Variants in CHSY3 observed in about 807,000 individuals in gnomAD.
The protein encoded by CHSY3 is N-acetylgalactosaminyl-proteoglycan 3-beta-glucuronosyltransferase 3.
Under a neutral mutation model 67.2 loss-of-function variants are expected in CHSY3, and 35 were observed. The observed-to-expected ratio is 0.52, with a 90% CI of 0.40 to 0.69. The LOEUF is 0.69. Among genes scored for constraint, CHSY3 ranks in the 30% least tolerant of loss-of-function variants. The pLI is 0.00. For synonymous variants in CHSY3, 474 were observed against 434.7 expected, an observed-to-expected ratio of 1.09 and a Z score of -1.12; for missense variants, 1,069 against 1,138.5, an observed-to-expected ratio of 0.94 and a Z score of 0.88.
intron 2 of CHSY3, among the ~76,000 whole-genome samples, chr5:129,936,048 ATATT>A (rs1189886561): frequency 6.6e-6 from 1 of 152,220 alleles, no homozygotes; most frequent in Non-Finnish European, 1.5e-5. Flanking sequence ...ATGGTAATCT[ATATT>A]TATAGTGTTT....
At chr5:130,184,077 A>T in intron 2 of CHSY3, 152 bp from the exon 3 acceptor site, 1 of 557,274 alleles carries the variant, frequency 1.8e-6, no homozygotes, top group Non-Finnish European at 2.7e-6. Context: ...TTTTAATTTT[A>T]AATAATATAA....
At position 130,186,016 on chromosome 5, in the gene CHSY3, T is replaced by G. The variant is rs1222773361; in HGVS notation, c.*225T>G. On this transcript the variant is annotated 3_prime_UTR_variant, in exon 3 of 3. Transcript: ENST00000305031. ...TTTCAGATTTCTACTGAAGTCAATA[T>G]GTTATTACTTTTATATAACTTTATT... The G allele has an allele frequency of 3.6e-6, 1 of 276,114 alleles. No homozygotes were observed. The highest frequency in any genetic ancestry group is 2.2e-5 in the African/African-American group (1 of 45,666). The allele number at this position is 276,114 out of a possible 1,614,324, so 17.1% of individuals were successfully genotyped here.
intron 2 of CHSY3, among the ~76,000 whole-genome samples, chr5:130,005,767 G>A (rs1233473243): frequency 6.6e-6 from 1 of 152,100 alleles, no homozygotes; most frequent in Non-Finnish European, 1.5e-5. Flanking sequence ...ACTCTAAATT[G>A]CAAATTTTGA....
chr5:130,068,259 A>T (rs1054404310), intron 2 of CHSY3, among the ~76,000 whole-genome samples: 17 of 152,174 alleles, frequency 1.1e-4, no homozygotes, highest in Non-Finnish European at 2.5e-4. Context: ...CATGAAAATT[A>T]AAAAATAAGA....
intron 2 of CHSY3, among the ~76,000 whole-genome samples, chr5:130,081,811 C>G (rs1045479938): frequency 2.6e-5 from 4 of 152,050 alleles, no homozygotes; most frequent in African/African-American, 9.7e-5. Context: ...TTCATCAAGC[C>G]TCTTTTTCTT....
At chr5:130,111,555 T>C (rs1860067) in intron 2 of CHSY3, among the ~76,000 whole-genome samples, 49,369 of 151,930 alleles carry the variant, frequency 0.32, 8,116 homozygotes, top group South Asian at 0.41. Flanking sequence ...GACCACCATG[T>C]TCTAGAAACA....
intron 2 of CHSY3, among the ~76,000 whole-genome samples, chr5:130,134,494 T>C (rs1768595587): frequency 6.6e-6 from 1 of 152,196 alleles, no homozygotes; most frequent in African/African-American, 2.4e-5. Flanking sequence ...CATGATCTTA[T>C]ATAGCATTCC....
chr5:129,985,225 T>C (rs1763152892), intron 2 of CHSY3, among the ~76,000 whole-genome samples: 1 of 152,192 alleles, frequency 6.6e-6, no homozygotes, highest in South Asian at 2.1e-4. Flanking sequence ...AGAGTCTAGT[T>C]TTAGTCTTCT....
In CHSY3 at chr5:130,059,929, A is replaced by G. The variant is rs1258279251; in HGVS notation, c.1087-124300A>G. Among the ~76,000 whole-genome samples, 4 of 152,258 alleles carry G rather than the reference A, an allele frequency of 2.6e-5. No individual in the cohort carries two copies. In the South Asian group the frequency reaches 6.2e-4, roughly 24 times the overall value. On this transcript the variant is annotated intron_variant, in intron 2 of 2. Coordinates refer to ENST00000305031, the MANE Select transcript of CHSY3 (RefSeq NM_175856.5). The stretch of plus-strand genomic sequence containing the variant: ...AACTTTAAATCCCATGCATAAAGCT[A>G]TATTTATTAATAACATCTAGAATCT...
intron 2 of CHSY3, among the ~76,000 whole-genome samples, chr5:130,101,337 A>T (rs959356155): frequency 1.3e-5 from 2 of 152,160 alleles, no homozygotes; most frequent in African/African-American, 4.8e-5. Context: ...TCTCAAAATC[A>T]CCATTGATTC....
intron 2 of CHSY3, among the ~76,000 whole-genome samples, chr5:130,079,035 T>TTA (rs1262139280): frequency 2.6e-5 from 4 of 152,194 alleles, no homozygotes; most frequent in Non-Finnish European, 4.4e-5. Flanking sequence ...ATTGATGAGA[T>TTA]TATATTTGTG....
At chr5:129,912,785 T>G (rs1760610756) in intron 2 of CHSY3, among the ~76,000 whole-genome samples, 1 of 152,174 alleles carries the variant, frequency 6.6e-6, no homozygotes, top group Admixed American at 6.5e-5. Context: ...AGGGTGAGCC[T>G]TATACAGACT....
chr5:129,949,931 A>AG lies in CHSY3; in HGVS notation c.1086+41577dup, dbSNP rs555387064. Among the ~76,000 whole-genome samples the AG allele has an allele frequency of 3.1e-4, 47 of 152,200 alleles. 1 individual carries two copies. The South Asian group carries it at 8.1e-3, about 26-fold the overall frequency. ...GTAATCCCAGCACTTTGGGAGGCTG[A>AG]GGGGGGTGGATCACCTGAGGTCAGG... On this transcript the variant is annotated intron_variant, in intron 2 of 2. Coordinates refer to ENST00000305031, the MANE Select transcript of CHSY3 (RefSeq NM_175856.5).
At chr5:130,099,338 C>T (rs1203999544) in intron 2 of CHSY3, among the ~76,000 whole-genome samples, 1 of 152,156 alleles carries the variant, frequency 6.6e-6, no homozygotes, top group African/African-American at 2.4e-5. Context: ...CTTTGATATG[C>T]TGGTAGCAAT....
intron 2 of CHSY3, among the ~76,000 whole-genome samples, chr5:130,125,444 T>TAGATAGAA: frequency 6.6e-6 from 1 of 151,910 alleles, no homozygotes; most frequent in African/African-American, 2.4e-5. Context: ...GATAGATAGA[T>TAGATAGAA]AGATAGATAG....
intron 2 of CHSY3, among the ~76,000 whole-genome samples, chr5:130,163,017 T>C (rs1484878468): frequency 6.6e-6 from 1 of 152,204 alleles, no homozygotes; most frequent in Non-Finnish European, 1.5e-5. Context: ...CACTCTGGGA[T>C]GTGAATGATT....
chr5:130,109,735 C>T (rs1010978005), intron 2 of CHSY3, among the ~76,000 whole-genome samples: 1 of 151,284 alleles, frequency 6.6e-6, no homozygotes, highest in Non-Finnish European at 1.5e-5. Context: ...AGATGAATAT[C>T]GGGAAATATT....
At chr5:129,937,961 C>T (rs1286059961) in intron 2 of CHSY3, among the ~76,000 whole-genome samples, 1 of 152,142 alleles carries the variant, frequency 6.6e-6, no homozygotes, top group Non-Finnish European at 1.5e-5. Flanking sequence ...TTCCCCTCTT[C>T]ACTTCCCTAG....
At chr5:130,125,167 T>G (rs552374467) in intron 2 of CHSY3, among the ~76,000 whole-genome samples, 3 of 152,284 alleles carry the variant, frequency 2.0e-5, no homozygotes, top group African/African-American at 7.2e-5. Context: ...GTGGAGCTAT[T>G]TTGGTCCTTA....
Sources: allele counts gnomAD v4.1 joint callset (sites outside exome capture counted in the v4.1 genomes callset), GRCh38; gene constraint gnomAD v4.1.1; transcripts MANE v1.5; gene names NCBI Gene and HGNC (gene_info 2026-07-23, HGNC 2026-07-21).